CHMP2B: variants seen among roughly 807,000 people sequenced by gnomAD.
CHMP2B encodes the protein VPS2 homolog B.
A neutral mutation model predicts 29.8 loss-of-function variants in CHMP2B; 22 were observed. The observed-to-expected ratio is 0.74, with a 90% CI of 0.53 to 1.05. CHMP2B has a LOEUF of 1.05. CHMP2B is among the 50% of genes least tolerant of loss of function. The pLI is 0.00. For synonymous variants in CHMP2B, 78 were observed against 75.8 expected (o/e 1.03, Z -0.15); for missense variants, 261 against 252.2 (o/e 1.03, Z -0.24).
intron 1 of CHMP2B, 58 bp downstream of exon 1, chr3:87,227,614 G>T: frequency 1.2e-6 from 2 of 1,605,768 alleles, no homozygotes; most frequent in Admixed American, 3.3e-5. Context: ...CGTCTTTCGA[G>T]GCCTGCTGGC....
At chr3:87,227,793 G>T (rs1322171964) in intron 1 of CHMP2B, among the ~76,000 whole-genome samples, 1 of 152,186 alleles carries the variant, frequency 6.6e-6, no homozygotes, top group Non-Finnish European at 1.5e-5. Context: ...CCCACCCTCG[G>T]GTTTTCCTCA....
chr3:87,239,039 T>C (rs1180604108), intron 1 of CHMP2B, among the ~76,000 whole-genome samples: 1 of 152,166 alleles, frequency 6.6e-6, no homozygotes, highest in Non-Finnish European at 1.5e-5. Context: ...GAGCACACTT[T>C]TTATGTGTTC....
intron 1 of CHMP2B, among the ~76,000 whole-genome samples, chr3:87,227,975 A>G (rs1166219896): frequency 2.0e-5 from 3 of 152,138 alleles, no homozygotes; most frequent in Non-Finnish European, 2.9e-5. Flanking sequence ...ATGGGGAGGG[A>G]GGGGATAACA....
chr3:87,241,347 T>C (rs1367620972), intron 2 of CHMP2B, among the ~76,000 whole-genome samples: 3 of 152,228 alleles, frequency 2.0e-5, no homozygotes, highest in Non-Finnish European at 4.4e-5. Context: ...GGTGTACAAT[T>C]TGATAGGTTT....
intron 3 of CHMP2B, among the ~76,000 whole-genome samples, chr3:87,248,874 A>G (rs1706263739): frequency 6.6e-6 from 1 of 152,084 alleles, no homozygotes; most frequent in Admixed American, 6.6e-5. Context: ...ACATGTTTCT[A>G]TTGTATGGAT....
At chr3:87,244,297 G>T (rs1706174406) in intron 2 of CHMP2B, among the ~76,000 whole-genome samples, 1 of 151,718 alleles carries the variant, frequency 6.6e-6, no homozygotes, top group African/African-American at 2.4e-5. Context: ...GCCCGCCTCA[G>T]CCTCCCAAAG....
intron 4 of CHMP2B, among the ~76,000 whole-genome samples, chr3:87,251,393 TTC>T (rs1706311290): frequency 1.3e-5 from 2 of 152,000 alleles, no homozygotes; most frequent in Admixed American, 1.3e-4. Flanking sequence ...GTGATGGCAG[TTC>T]TCAGCAGAGA....
intron 2 of CHMP2B, among the ~76,000 whole-genome samples, chr3:87,244,860 A>T (rs748259822): frequency 4.6e-5 from 7 of 152,182 alleles, no homozygotes; most frequent in Non-Finnish European, 8.8e-5. Context: ...AGCCTTCTAT[A>T]TCACTGCAGA....
chr3:87,251,909 G>A (rs184230263), intron 4 of CHMP2B, among the ~76,000 whole-genome samples: 2 of 150,326 alleles, frequency 1.3e-5, no homozygotes, highest in East Asian at 3.9e-4. Flanking sequence ...CCTGGACTTT[G>A]CATCTCCTGT....
intron 3 of CHMP2B, among the ~76,000 whole-genome samples, chr3:87,246,331 T>C (rs1445047666): frequency 6.6e-6 from 1 of 151,944 alleles, no homozygotes; most frequent in Non-Finnish European, 1.5e-5. Flanking sequence ...AGAGACGAGG[T>C]TTCACATGCT....
At chr3:87,243,107 A>G (rs1326793260) in intron 2 of CHMP2B, among the ~76,000 whole-genome samples, 2 of 152,152 alleles carry the variant, frequency 1.3e-5, no homozygotes, top group African/African-American at 4.8e-5. Flanking sequence ...GTTATTATGT[A>G]TCTCTCCATT....
In CHMP2B at chr3:87,249,944, GA is replaced by G; in HGVS notation, c.395del (p.Asn132ThrfsTer2). ...TLQTMQNFQK[E>X]NMKMEMTEEM... Reference sequence around the variant, plus strand: ...ACAAACAATGCAGAATTTCCAGAAGGAAAACATGAAAATGGAAATGACTGAA... The same window carrying G: ...ACAAACAATGCAGAATTTCCAGAAGGAAACATGAAAATGGAAATGACTGAA... On this transcript the variant is annotated frameshift_variant, in exon 4 of 6. Coordinates refer to ENST00000263780, the MANE Select transcript of CHMP2B (RefSeq NM_014043.4). LOFTEE classifies it high-confidence loss of function. 1.3e-6 allele frequency: 2 copies of G among 1,598,836 alleles called. No homozygotes were observed. The highest frequency in any genetic ancestry group is 1.7e-6 in the Non-Finnish European group (2 of 1,169,110).
chr3:87,234,378 A>G (rs1166655857), intron 1 of CHMP2B, among the ~76,000 whole-genome samples: 12 of 152,154 alleles, frequency 7.9e-5, no homozygotes. Flanking sequence ...TGTGTCTCTT[A>G]AGTCCAAGAC....
chr3:87,229,540 T>C (rs1333066903), intron 1 of CHMP2B, among the ~76,000 whole-genome samples: 2 of 152,174 alleles, frequency 1.3e-5, no homozygotes, highest in Non-Finnish European at 2.9e-5. Context: ...AGCTTTACTT[T>C]TTTTATTCCC....
rs1412911001 is a variant in CHMP2B at position 87,254,741 on chromosome 3, GAATTAT to G, written c.*927_*932del. ...ATATATTTTGGCCATCTAAAAATGA[GAATTAT>G]AATTATATGAATTATAATTTAAACT... On this transcript the variant is annotated 3_prime_UTR_variant, in exon 6 of 6. Coordinates refer to ENST00000263780, the MANE Select transcript of CHMP2B (RefSeq NM_014043.4). The G allele has an allele frequency of 4.0e-5, 6 of 151,608 alleles. No homozygotes were observed. The highest frequency in any genetic ancestry group is 4.2e-4 in the South Asian group (2 of 4,782). The allele number at this position is 151,608 out of a possible 1,614,324, so 9.4% of individuals were successfully genotyped here.
At chr3:87,245,596 C>T (rs376207785) in intron 2 of CHMP2B, 118 bp from the exon 3 acceptor site, 28 of 811,490 alleles carry the variant, frequency 3.5e-5, no homozygotes, top group African/African-American at 2.8e-4. Flanking sequence ...AGCTTCTTCC[C>T]CTCTTCATGA....
chr3:87,230,353 A>C (rs942641366), intron 1 of CHMP2B, among the ~76,000 whole-genome samples: 1 of 152,198 alleles, frequency 6.6e-6, no homozygotes, highest in African/African-American at 2.4e-5. Flanking sequence ...ACATCCTTAT[A>C]AAATGAGAAA....
chr3:87,250,369 T>C (rs1396842385), intron 4 of CHMP2B, among the ~76,000 whole-genome samples: 1 of 151,988 alleles, frequency 6.6e-6, no homozygotes, highest in Non-Finnish European at 1.5e-5. Flanking sequence ...AAGAGTCTTC[T>C]AATATTTAGT....
At chr3:87,234,253 C>T (rs1282613586) in intron 1 of CHMP2B, among the ~76,000 whole-genome samples, 1 of 152,206 alleles carries the variant, frequency 6.6e-6, no homozygotes, top group Non-Finnish European at 1.5e-5. Context: ...GTGAGCTAGA[C>T]TGGACCACAT....
Sources: gnomAD v4.1 joint callset for allele counts (sites outside exome capture counted in the v4.1 genomes callset) on GRCh38, gnomAD v4.1.1 for gene constraint, MANE v1.5 for transcripts, NCBI Gene and HGNC (gene_info 2026-07-23, HGNC 2026-07-21) for gene names.